Variants in PTPRM observed in about 807,000 individuals in gnomAD.
PTPRM encodes protein tyrosine phosphatase receptor type M.
In PTPRM, 47 loss-of-function variants were observed where a neutral mutation model predicts 186.7. The ratio of observed to expected loss-of-function variants is 0.25; its 90% CI spans 0.20 to 0.32. The LOEUF is 0.32. Ranked by LOEUF, PTPRM falls within the 10% of genes least tolerant of loss-of-function variation. The pLI is 1.00. For missense variants in PTPRM, 1,494 were observed against 1,865.0 expected, an observed-to-expected ratio of 0.80 and a Z score of 3.66; for synonymous variants, 668 against 674.9, an observed-to-expected ratio of 0.99 and a Z score of 0.16.
At chr18:7,728,108 C>A (rs963011701) in intron 1 of PTPRM, among the ~76,000 whole-genome samples, 1 of 152,060 alleles carries the variant, frequency 6.6e-6, no homozygotes, top group East Asian at 1.9e-4. Flanking sequence ...TATTTTTGTG[C>A]TGTAATAGGA....
chr18:7,723,315 C>G (rs2040484412), intron 1 of PTPRM, among the ~76,000 whole-genome samples: 1 of 152,262 alleles, frequency 6.6e-6, no homozygotes, highest in South Asian at 2.1e-4. Context: ...CAAACTCATG[C>G]AAAATAATAA....
In PTPRM at chr18:8,149,869, C is replaced by T. The variant is rs545168202; in HGVS notation, c.2300+6090C>T. ...TGGTGACAAAATCTCTCAGCATTTGCTTGTCTGTAATGGATTTTATTTCTC... is the reference window on the plus strand; with the variant it reads ...TGGTGACAAAATCTCTCAGCATTTGTTTGTCTGTAATGGATTTTATTTCTC... On this transcript the variant is annotated intron_variant, in intron 14 of 32. Coordinates refer to ENST00000580170, the MANE Select transcript of PTPRM (RefSeq NM_001105244.2). Among the ~76,000 whole-genome samples the T allele has an allele frequency of 2.0e-5, 3 of 152,192 alleles. No homozygotes were observed. In the South Asian group the frequency reaches 6.2e-4, roughly 32 times the overall value.
At chr18:8,401,682 C>T (rs930673391) in intron 32 of PTPRM, among the ~76,000 whole-genome samples, 3 of 152,268 alleles carry the variant, frequency 2.0e-5, no homozygotes, top group African/African-American at 7.2e-5. Context: ...TAGACACAGG[C>T]AGCCTGCGCA....
chr18:8,369,665 A>G (rs1355316665), intron 23 of PTPRM, among the ~76,000 whole-genome samples: 1 of 152,246 alleles, frequency 6.6e-6, no homozygotes, highest in East Asian at 1.9e-4. Flanking sequence ...TTAGAAATCA[A>G]ATTCAGAAGG....
chr18:8,002,644 G>A (rs909836048), intron 7 of PTPRM, among the ~76,000 whole-genome samples: 12 of 152,164 alleles, frequency 7.9e-5, no homozygotes, highest in Non-Finnish European at 1.3e-4. Flanking sequence ...GAATGCAGAC[G>A]CCCAGGCTCC....
At chr18:8,110,779 A>G (rs1333502677) in intron 11 of PTPRM, among the ~76,000 whole-genome samples, 2 of 152,230 alleles carry the variant, frequency 1.3e-5, no homozygotes, top group Admixed American at 1.3e-4. Flanking sequence ...CAGATACAGA[A>G]GGAATTGAGG....
chr18:8,383,709 T>C (rs1411136707), intron 29 of PTPRM, among the ~76,000 whole-genome samples: 3 of 152,254 alleles, frequency 2.0e-5, no homozygotes, highest in Non-Finnish European at 4.4e-5. Flanking sequence ...TTGCTAGATC[T>C]GAGCTGCAAG....
intron 23 of PTPRM, among the ~76,000 whole-genome samples, chr18:8,352,652 G>GTTTTTTTTTTTTTTT (rs142090056): frequency 9.8e-6 from 1 of 102,222 alleles, no homozygotes; most frequent in Non-Finnish European, 2.2e-5. Flanking sequence ...TTTTTGGTTT[G>GTTTTTTTTTTTTTTT]GTTTTTTTTG....
At chr18:8,198,944 C>T (rs2093816329) in intron 14 of PTPRM, among the ~76,000 whole-genome samples, 1 of 152,060 alleles carries the variant, frequency 6.6e-6, no homozygotes, top group South Asian at 2.1e-4. Context: ...ATGATGGCAG[C>T]AAAAGCCCAT....
chr18:7,657,853 G>T (rs2038887604), intron 1 of PTPRM, among the ~76,000 whole-genome samples: 1 of 152,170 alleles, frequency 6.6e-6, no homozygotes, highest in Admixed American at 6.5e-5. Context: ...TCACATTCCT[G>T]GGGGAAGAAC....
intron 1 of PTPRM, among the ~76,000 whole-genome samples, chr18:7,636,800 G>T (rs1448066855): frequency 6.6e-6 from 1 of 152,154 alleles, no homozygotes; most frequent in Non-Finnish European, 1.5e-5. Context: ...TTTAGAGTGA[G>T]GACATTGAAG....
At position 8,166,127 on chromosome 18, in the gene PTPRM, G is replaced by A. The variant is rs569370884; in HGVS notation, c.2300+22348G>A. Reference sequence around the variant, plus strand: ...GATAAATGTTTATTGATCCACTGCAGAAATGAGTGAATAAACGCAGATCCT... The same window carrying A: ...GATAAATGTTTATTGATCCACTGCAAAAATGAGTGAATAAACGCAGATCCT... On this transcript the variant is annotated intron_variant, in intron 14 of 32. Transcript: ENST00000580170. Among the ~76,000 whole-genome samples, 285 of 152,290 alleles carry A rather than the reference G, an allele frequency of 1.9e-3. 2 individuals carry two copies. The highest frequency in any genetic ancestry group is 3.4e-3 in the Middle Eastern group (1 of 294).
At chr18:7,766,441 C>G (rs549615298) in intron 1 of PTPRM, among the ~76,000 whole-genome samples, 1 of 152,208 alleles carries the variant, frequency 6.6e-6, no homozygotes, top group Non-Finnish European at 1.5e-5. Flanking sequence ...GGAGGAGACT[C>G]TTTCATTGCT....
intron 1 of PTPRM, among the ~76,000 whole-genome samples, chr18:7,752,107 C>T (rs1477888395): frequency 6.6e-6 from 1 of 152,146 alleles, no homozygotes; most frequent in African/African-American, 2.4e-5. Context: ...TTTCTTTTTC[C>T]TCCTGTTTCC....
intron 14 of PTPRM, among the ~76,000 whole-genome samples, chr18:8,211,082 C>T (rs952947888): frequency 6.6e-6 from 1 of 152,142 alleles, no homozygotes; most frequent in Non-Finnish European, 1.5e-5. Context: ...CTCACTGGAA[C>T]GAGTTCCAGA....
chr18:7,904,379 G>C (rs1246362748), intron 3 of PTPRM, among the ~76,000 whole-genome samples: 2 of 152,112 alleles, frequency 1.3e-5, no homozygotes, highest in Non-Finnish European at 2.9e-5. Flanking sequence ...ACAAGGAGTG[G>C]TGGTGATGTC....
intron 2 of PTPRM, among the ~76,000 whole-genome samples, chr18:7,884,181 A>G (rs1273287622): frequency 6.6e-6 from 1 of 152,080 alleles, no homozygotes; most frequent in African/African-American, 2.4e-5. Context: ...AAAGCCATAC[A>G]TTTAGGAGGG....
intron 2 of PTPRM, among the ~76,000 whole-genome samples, chr18:7,844,400 T>C (rs1423924069): frequency 6.6e-6 from 1 of 152,180 alleles, no homozygotes; most frequent in East Asian, 1.9e-4. Flanking sequence ...ATTTTCATTG[T>C]GGATTTGCAC....
At chr18:8,336,641 G>A (rs2095441123) in intron 22 of PTPRM, among the ~76,000 whole-genome samples, 1 of 142,450 alleles carries the variant, frequency 7.0e-6, no homozygotes, top group Non-Finnish European at 1.5e-5. Context: ...GGAGGAGGAG[G>A]AAAAAGAAGG....
Sources: gnomAD v4.1 joint callset for allele counts (sites outside exome capture counted in the v4.1 genomes callset) on GRCh38, gnomAD v4.1.1 for gene constraint, MANE v1.5 for transcripts, NCBI Gene and HGNC (gene_info 2026-07-23, HGNC 2026-07-21) for gene names.